Variants in ANKRD40CL observed in about 807,000 individuals in gnomAD.
ANKRD40CL encodes the protein ANKRD40 C-terminal like, also known as putative ANKRD40 C-terminal-like protein.
For missense variants in ANKRD40CL, 11 were observed against 6.4 expected (o/e 1.71, Z -0.77); for synonymous variants, 5 against 2.3 (o/e 2.14, Z -1.04).
intron 2 of ANKRD40CL, chr17:50,764,349 C>T (rs1971259153): frequency 2.5e-6 from 1 of 397,854 alleles, no homozygotes; most frequent in Non-Finnish European, 4.4e-6. Flanking sequence ...TGCCCTGCAG[C>T]TTATCCTCCC....
At position 50,761,428 on chromosome 17, in the gene ANKRD40CL, C is replaced by G. The variant is rs1319794237; in HGVS notation, c.280G>C (p.Glu94Gln). 1 of 398,888 alleles carries G rather than the reference C, an allele frequency of 2.5e-6. No individual in the cohort carries two copies. The highest frequency in any genetic ancestry group is 4.4e-6 in the Non-Finnish European group (1 of 226,064). The allele number at this position is 398,888 out of a possible 1,614,324, so 24.7% of individuals were successfully genotyped here. A position where few individuals can be genotyped will look rare whatever the true frequency, so the allele number is the denominator to read the frequency against. ...CTTTCTGTCAGAGATGGCACATATTCTGTCAATCTGGAGCTTCCATTTTTC... is the reference window on the plus strand; with the variant it reads ...CTTTCTGTCAGAGATGGCACATATTGTGTCAATCTGGAGCTTCCATTTTTC... ...LMKNGSSRLT[E>Q]YVPSLTERPC... The change falls in exon 4 of 4, where the codon GAA (glutamate) becomes CAA (glutamine). Residue 94 changes from glutamate to glutamine, a missense_variant. Transcript: ENST00000450727.
Position 50,765,700 on chromosome 17 carries a change from G to A in ANKRD40CL, c.40+1174C>T, listed in dbSNP as rs117814556. 2.2e-3 allele frequency among the ~76,000 whole-genome samples: 340 copies of A among 152,274 alleles called. 8 individuals carry two copies. In the East Asian group the frequency reaches 0.057, roughly 25 times the overall value. On this transcript the variant is annotated intron_variant, in intron 2 of 3. Transcript: ENST00000450727. ...GGTATTGCGACCTCCCCACTTGAAC[G>A]CACCAACTAGCTGGATGGGGGTGGG...
At chr17:50,763,141 C>T (rs1030600851) in intron 3 of ANKRD40CL, 2 of 319,358 alleles carry the variant, frequency 6.3e-6, no homozygotes, top group African/African-American at 4.3e-5. Flanking sequence ...GTGATCTGCC[C>T]ACCTCGGCCT....
In ANKRD40CL at chr17:50,761,484, C is replaced by T. The variant is rs761897898; in HGVS notation, c.224G>A (p.Arg75Gln). Residue 75 changes from arginine to glutamine, a missense_variant, in exon 4 of 4, where the codon CGG becomes CAG. Coordinates refer to ENST00000450727, the MANE Select transcript of ANKRD40CL (RefSeq NM_001358683.3). ...LRKDKDIRRL[R>Q]DFQEVELILM... is the part of the protein sequence containing the mutation. ...AATGAGTTCCACTTCCTGAAAGTCC[C>T]GCAGTCTTCGAATGTCTTTGTCCTT... 1.0e-5 allele frequency: 4 copies of T among 398,760 alleles called. No homozygotes were observed. Among genetic ancestry groups the T allele is most frequent in the African/African-American group, 2.1e-5 (1 of 48,580 alleles). 24.7% of individuals were successfully genotyped at this position (398,760 alleles called of 1,614,324 possible). A position where few individuals can be genotyped will look rare whatever the true frequency, so the allele number is the denominator to read the frequency against.
chr17:50,761,796 G>A (rs1273934076), intron 3 of ANKRD40CL, among the ~76,000 whole-genome samples: 3 of 151,816 alleles, frequency 2.0e-5, no homozygotes, highest in African/African-American at 7.3e-5. Flanking sequence ...GCTAATTTTT[G>A]TATTTTTTAT....
At chr17:50,761,944 T>C (rs972610976) in intron 3 of ANKRD40CL, among the ~76,000 whole-genome samples, 1 of 151,750 alleles carries the variant, frequency 6.6e-6, no homozygotes, top group Non-Finnish European at 1.5e-5. Context: ...GTTCTGTATT[T>C]TTTTTTTTGA....
intron 2 of ANKRD40CL, among the ~76,000 whole-genome samples, chr17:50,765,732 T>A (rs1323354494): frequency 6.6e-6 from 1 of 151,706 alleles, no homozygotes; most frequent in Non-Finnish European, 1.5e-5. Context: ...TGGGTGAGAG[T>A]GTCCAGGGCT....
rs77207634 is a variant in ANKRD40CL, at chr17:50,764,636, G to A, written c.41-1079C>T. 6.2e-3 allele frequency: 1,028 copies of A among 164,668 alleles called. 7 individuals carry two copies. Among genetic ancestry groups the A allele is most frequent in the African/African-American group, 0.022 (917 of 42,120 alleles). The allele number at this position is 164,668 out of a possible 1,614,324, so 10.2% of individuals were successfully genotyped here. ...GAGAAATTTTCTCACCCAGAGGGAA[G>A]GGAAAGGAGTGAATATTTAGAGTGC... is the stretch of plus-strand genomic sequence containing the variant. On this transcript the variant is annotated intron_variant, in intron 2 of 3. Transcript: ENST00000450727.
chr17:50,761,841 T>C (rs1971206672), intron 3 of ANKRD40CL, among the ~76,000 whole-genome samples: 1 of 152,192 alleles, frequency 6.6e-6, no homozygotes, highest in Non-Finnish European at 1.5e-5. Flanking sequence ...CAGGCTGGTC[T>C]TGAACTCCTG....
chr17:50,764,001 C>A, intron 2 of ANKRD40CL: 1 of 395,460 alleles, frequency 2.5e-6, no homozygotes, highest in Non-Finnish European at 4.5e-6. Context: ...TACCCACCAC[C>A]CCCACTCCTC....
intron 2 of ANKRD40CL, 42 bp downstream of exon 2, chr17:50,766,832 C>T: frequency 3.2e-6 from 2 of 620,390 alleles, no homozygotes; most frequent in Non-Finnish European, 5.7e-6. Context: ...CCTGTCCCAT[C>T]CTCCTTGAGG....
chr17:50,761,453 C>A lies in ANKRD40CL; in HGVS notation c.255G>T (p.Met85Ile). The A allele has an allele frequency of 2.5e-6, 1 of 398,996 alleles. No homozygotes were observed. The highest frequency in any genetic ancestry group is 1.3e-4 in the South Asian group (1 of 7,852). 24.7% of individuals were successfully genotyped at this position (398,996 alleles called of 1,614,324 possible). The stretch of plus-strand genomic sequence containing the variant: ...CTGTCAATCTGGAGCTTCCATTTTT[C>A]ATTAAAATGAGTTCCACTTCCTGAA... Reference protein sequence around the residue: ...RDFQEVELILMKNGSSRLTEY... With the variant: ...RDFQEVELILIKNGSSRLTEY... Residue 85 changes from methionine (M) to isoleucine (I), a missense_variant, in exon 4 of 4, where the codon ATG (methionine) becomes ATT (isoleucine). By Grantham distance (10) the Met-to-Ile change is conservative. Transcript: ENST00000450727.
chr17:50,766,707 C>T (rs1971324008), intron 2 of ANKRD40CL, 167 bp downstream of exon 2: 5 of 541,320 alleles, frequency 9.2e-6, no homozygotes, highest in Non-Finnish European at 1.6e-5. Flanking sequence ...TTGCTTCCTT[C>T]TGAAAGGACC....
At chr17:50,767,309 A>G (rs1971345039) in intron 1 of ANKRD40CL, 154 bp downstream of exon 1, 1 of 399,900 alleles carries the variant, frequency 2.5e-6, no homozygotes, top group Non-Finnish European at 4.8e-6. Context: ...TTTCTTGGAA[A>G]AGGTTGGTAG....
At chr17:50,766,082 G>A (rs918060880) in intron 2 of ANKRD40CL, among the ~76,000 whole-genome samples, 1 of 152,142 alleles carries the variant, frequency 6.6e-6, no homozygotes, top group Non-Finnish European at 1.5e-5. Flanking sequence ...CCTGCCAGAT[G>A]CCTCCAAGGA....
chr17:50,765,516 G>A (rs7210181), intron 2 of ANKRD40CL, among the ~76,000 whole-genome samples: 2,083 of 152,312 alleles, frequency 0.014, 46 homozygotes, highest in African/African-American at 0.047. Context: ...AGGCTGAAAG[G>A]GGAAGTAGTT....
In ANKRD40CL at chr17:50,767,499, T is replaced by C; in HGVS notation, c.-135A>G. 1 of 237,178 alleles carries C rather than the reference T, an allele frequency of 4.2e-6. No homozygotes were observed. Among genetic ancestry groups the C allele is most frequent in the South Asian group, 5.8e-5 (1 of 17,130 alleles). 14.7% of individuals were successfully genotyped at this position (237,178 alleles called of 1,614,324 possible). On this transcript the variant is annotated 5_prime_UTR_variant, in exon 1 of 4. Coordinates refer to ENST00000450727, the MANE Select transcript of ANKRD40CL (RefSeq NM_001358683.3). ...ACCTTGGTGATGATCCTGGATCCCC[T>C]GATTCTAGACATCAAAATGGAGGAG... is the stretch of plus-strand genomic sequence containing the variant.
At chr17:50,762,822 C>T (rs970365830) in intron 3 of ANKRD40CL, 1 of 151,690 alleles carries the variant, frequency 6.6e-6, no homozygotes, top group African/African-American at 2.4e-5. Flanking sequence ...TTTATGTTAA[C>T]CAGTCAATTT....
At chr17:50,767,148 A>C (rs1213262604) in intron 1 of ANKRD40CL, 137 bp from the exon 2 acceptor site, 1 of 668,700 alleles carries the variant, frequency 1.5e-6, no homozygotes, top group East Asian at 2.9e-5. Flanking sequence ...GAAGGTACTG[A>C]AGTAAGGCTC....
Sources: gnomAD v4.1 joint callset for allele counts (sites outside exome capture counted in the v4.1 genomes callset) on GRCh38, gnomAD v4.1.1 for gene constraint, MANE v1.5 for transcripts, NCBI Gene and HGNC (gene_info 2026-07-23, HGNC 2026-07-21) for gene names.